Variants in SLC30A4 observed in about 807,000 individuals in gnomAD.
SLC30A4 encodes solute carrier family 30 member 4, also known as probable proton-coupled zinc antiporter SLC30A4.
A neutral mutation model predicts 41.7 loss-of-function variants in SLC30A4; 20 were observed. The observed-to-expected ratio is 0.48, with a 90% CI of 0.34 to 0.70. SLC30A4 has a LOEUF of 0.70. Among genes scored for constraint, SLC30A4 ranks in the 30% least tolerant of loss-of-function variants. The pLI is 0.01. For missense variants in SLC30A4, 441 were observed against 529.3 expected (o/e 0.83, Z 1.64); for synonymous variants, 181 against 195.9 (o/e 0.92, Z 0.64).
chr15:45,485,446 T>G, intron 7 of SLC30A4, 129 bp from the exon 8 acceptor site: 4 of 623,402 alleles, frequency 6.4e-6, no homozygotes, highest in Non-Finnish European at 1.1e-5. Context: ...CTCTCTAAGC[T>G]ATTCTGTTAG....
intron 2 of SLC30A4, chr15:45,521,713 G>A: frequency 2.2e-6 from 1 of 449,102 alleles, no homozygotes; most frequent in Non-Finnish European, 3.9e-6. Flanking sequence ...TGAAGATAAC[G>A]TCCTTAACTT....
chr15:45,486,771 T>A, intron 6 of SLC30A4, 26 bp from the exon 7 acceptor site: 1 of 1,306,510 alleles, frequency 7.7e-7, no homozygotes, highest in Non-Finnish European at 1.0e-6. Context: ...AATTTCTAAG[T>A]AAAATTTATT....
intron 2 of SLC30A4, among the ~76,000 whole-genome samples, chr15:45,518,150 G>GTA (rs1232678722): frequency 6.6e-6 from 1 of 151,910 alleles, no homozygotes; most frequent in African/African-American, 2.4e-5. Context: ...TAGGACCTTG[G>GTA]TACATGCTGT....
At chr15:45,488,747 C>T in intron 5 of SLC30A4, 94 bp downstream of exon 5, 1 of 884,052 alleles carries the variant, frequency 1.1e-6, no homozygotes. Context: ...ATAGAACTGG[C>T]ACTGGTGTCC....
At chr15:45,492,335 AAAG>A (rs1171619178) in intron 3 of SLC30A4, among the ~76,000 whole-genome samples, 2 of 152,150 alleles carry the variant, frequency 1.3e-5, no homozygotes, top group Admixed American at 6.5e-5. Flanking sequence ...TAAAAAAGGA[AAAG>A]AAGAAAAAAA....
chr15:45,498,553 T>G (rs1380126951), intron 3 of SLC30A4, among the ~76,000 whole-genome samples: 1 of 152,102 alleles, frequency 6.6e-6, no homozygotes, highest in Non-Finnish European at 1.5e-5. Flanking sequence ...TCTTTCGATC[T>G]CCCCTTCCAT....
intron 4 of SLC30A4, among the ~76,000 whole-genome samples, chr15:45,489,819 G>A (rs1891776621): frequency 6.6e-6 from 1 of 151,796 alleles, no homozygotes; most frequent in East Asian, 1.9e-4. Context: ...ACAAATAGAA[G>A]CCACTAGGGC....
chr15:45,516,796 G>A (rs190283767), intron 2 of SLC30A4, among the ~76,000 whole-genome samples: 2 of 152,048 alleles, frequency 1.3e-5, no homozygotes, highest in African/African-American at 4.8e-5. Context: ...CTTGAATCCG[G>A]GAGGTGGAGG....
chr15:45,521,729 T>C (rs1398057975), intron 2 of SLC30A4: 1 of 488,044 alleles, frequency 2.0e-6, no homozygotes, highest in Non-Finnish European at 3.6e-6. Flanking sequence ...AACTTTACGG[T>C]AGATGACAGT....
chr15:45,521,877 G>T, intron 2 of SLC30A4, 87 bp downstream of exon 2: 1 of 1,362,210 alleles, frequency 7.3e-7, no homozygotes, highest in Non-Finnish European at 1.0e-6. Flanking sequence ...TGAAAAGATG[G>T]GTTAAACCTC....
At chr15:45,500,638 ATC>A (rs1892004836) in intron 3 of SLC30A4, among the ~76,000 whole-genome samples, 1 of 129,680 alleles carries the variant, frequency 7.7e-6, no homozygotes, top group African/African-American at 4.7e-5. Context: ...CTATCTATCT[ATC>A]TATCTATCTA....
At position 45,480,611 on chromosome 15, in the gene SLC30A4, C is replaced by T. The variant is rs1053340860; in HGVS notation, c.*4552G>A. ...ATGAACTAATCTTCTATCTAGGAAACACTCTGTAACTTTAAATTTGCTATA... is the reference window on the plus strand; with the variant it reads ...ATGAACTAATCTTCTATCTAGGAAATACTCTGTAACTTTAAATTTGCTATA... On this transcript the variant is annotated 3_prime_UTR_variant, in exon 8 of 8. Coordinates refer to ENST00000261867, the MANE Select transcript of SLC30A4 (RefSeq NM_013309.6). 3.9e-5 allele frequency: 6 copies of T among 152,172 alleles called. No individual in the cohort carries two copies. The highest frequency in any genetic ancestry group is 1.4e-4 in the African/African-American group (6 of 41,430). 9.4% of individuals were successfully genotyped at this position (152,172 alleles called of 1,614,324 possible). A position where few individuals can be genotyped will look rare whatever the true frequency, so the allele number is the denominator to read the frequency against.
intron 4 of SLC30A4, among the ~76,000 whole-genome samples, chr15:45,489,259 A>C (rs147123054): frequency 6.6e-6 from 1 of 152,158 alleles, no homozygotes; most frequent in South Asian, 2.1e-4. Flanking sequence ...GAGAAGGCAG[A>C]GAAGCCAACA....
At chr15:45,515,308 A>T (rs775700546) in intron 2 of SLC30A4, among the ~76,000 whole-genome samples, 1 of 152,002 alleles carries the variant, frequency 6.6e-6, no homozygotes, top group Non-Finnish European at 1.5e-5. Flanking sequence ...GATTTCAGGC[A>T]TGAGCCACTG....
chr15:45,499,231 T>C (rs761861690), intron 3 of SLC30A4, among the ~76,000 whole-genome samples: 14 of 151,850 alleles, frequency 9.2e-5, no homozygotes, highest in Non-Finnish European at 1.2e-4. Flanking sequence ...ACCACCATGC[T>C]TGGCTAATTT....
At position 45,522,244 on chromosome 15, in the gene SLC30A4, G is replaced by A. The variant is rs141205486; in HGVS notation, c.111C>T (p.Asp37=). 2 of 1,614,016 alleles carry A rather than the reference G, an allele frequency of 1.2e-6. No individual in the cohort carries two copies. Among genetic ancestry groups the A allele is most frequent in the Admixed American group, 1.7e-5 (1 of 59,996 alleles). The change falls in exon 2 of 8, where the codon GAC becomes GAT. Residue 37 remains aspartate (D), a synonymous_variant. Coordinates refer to ENST00000261867, the MANE Select transcript of SLC30A4 (RefSeq NM_013309.6). The part of the protein sequence containing the change: ...SAFDFSDEAG[D]EGLSRFNKLR... ...GTTTGTTGAACCGAGAAAGCCCCTC[G>A]TCCCCCGCCTCATCCGAGAAGTCAA...
At position 45,481,436 on chromosome 15, in the gene SLC30A4, G is replaced by C. The variant is rs1169510430; in HGVS notation, c.*3727C>G. ...GGTCTTTTCCTGAAACAGACCAAAA[G>C]GTTGCATCTGGCCATAGTTGTGAAA... On this transcript the variant is annotated 3_prime_UTR_variant, in exon 8 of 8. Coordinates refer to ENST00000261867, the MANE Select transcript of SLC30A4 (RefSeq NM_013309.6). 1 of 152,194 alleles carries C rather than the reference G, an allele frequency of 6.6e-6. No homozygotes were observed. The highest frequency in any genetic ancestry group is 1.5e-5 in the Non-Finnish European group (1 of 68,034). The allele number at this position is 152,194 out of a possible 1,614,324, so 9.4% of individuals were successfully genotyped here. A position where few individuals can be genotyped will look rare whatever the true frequency, so the allele number is the denominator to read the frequency against.
chr15:45,504,378 A>G (rs907299723), intron 3 of SLC30A4, among the ~76,000 whole-genome samples: 2 of 152,244 alleles, frequency 1.3e-5, no homozygotes, highest in Non-Finnish European at 2.9e-5. Flanking sequence ...TAACTTAAAA[A>G]AAACAAAAAG....
chr15:45,489,039 C>A lies in SLC30A4; in HGVS notation c.696G>T (p.Met232Ile), dbSNP rs1430384435. 6.3e-7 allele frequency: 1 copy of A among 1,598,088 alleles called. No homozygotes were observed. The change falls in exon 5 of 8, where the codon ATG (methionine) becomes ATT (isoleucine). Residue 232 changes from methionine (M) to isoleucine (I), a missense_variant. This residue lies in a region of SLC30A4 where 312 missense variants were observed against 341.9 expected (regional missense o/e 0.91). Transcript: ENST00000261867. ...GACCAGACTGGTTCAACAGAAACCC[C>A]ATTCTGTTAAAAATAAAAGAAAACA... ...AAVGVAVNVI[M>I]GFLLNQSGHR...
Sources: gnomAD v4.1 joint callset for allele counts (sites outside exome capture counted in the v4.1 genomes callset) on GRCh38, gnomAD v4.1.1 for gene constraint, gnomAD v4.1.1 regional missense constraint, MANE v1.5 for transcripts, NCBI Gene and HGNC (gene_info 2026-07-23, HGNC 2026-07-21) for gene names.